The following SGCZ variants were observed in gnomAD, a reference collection of about 807,000 sequenced individuals.
SGCZ encodes the protein zeta-sarcoglycan.
A neutral mutation model predicts 41.3 loss-of-function variants in SGCZ; 40 were observed. The observed-to-expected ratio is 0.97, with a 90% CI of 0.75 to 1.26. SGCZ has a LOEUF of 1.26. SGCZ is among the 50% of genes most tolerant of loss of function. The pLI is 0.00. For missense variants in SGCZ, 552 were observed against 369.8 expected, an observed-to-expected ratio of 1.49 and a Z score of -4.04; for synonymous variants, 206 against 137.5, an observed-to-expected ratio of 1.50 and a Z score of -3.49.
At chr8:15,217,645 TC>T (rs1231575409) in intron 1 of SGCZ, among the ~76,000 whole-genome samples, 1 of 152,154 alleles carries the variant, frequency 6.6e-6, no homozygotes, top group Non-Finnish European at 1.5e-5. Flanking sequence ...TTCTTTGTTT[TC>T]CTGACTTGCA....
intron 1 of SGCZ, among the ~76,000 whole-genome samples, chr8:14,829,567 G>A (rs115961748): frequency 0.034 from 5,178 of 152,114 alleles, 318 homozygotes; most frequent in African/African-American, 0.12. Flanking sequence ...AAGAAATTAA[G>A]GTTGTTAATG....
intron 4 of SGCZ, among the ~76,000 whole-genome samples, chr8:14,166,556 CA>C (rs1804217043): frequency 6.6e-6 from 1 of 152,068 alleles, no homozygotes; most frequent in Non-Finnish European, 1.5e-5. Flanking sequence ...CATAAAACCT[CA>C]ATATTTACAG....
chr8:14,089,540 A>T lies in SGCZ; in HGVS notation c.*903T>A, dbSNP rs6996415. Reference sequence around the variant, plus strand: ...AGTGAGTGGAGCAAACAAAAATTATACTATTAAAACCTAGGTGTAAAGGAT... The same window carrying T: ...AGTGAGTGGAGCAAACAAAAATTATTCTATTAAAACCTAGGTGTAAAGGAT... On this transcript the variant is annotated 3_prime_UTR_variant, in exon 8 of 8. Coordinates refer to ENST00000382080, the MANE Select transcript of SGCZ (RefSeq NM_139167.4). Among the ~76,000 whole-genome samples, 1 of 151,986 alleles carries T rather than the reference A, an allele frequency of 6.6e-6. No homozygotes were observed. Among genetic ancestry groups the T allele is most frequent in the Admixed American group, 6.6e-5 (1 of 15,220 alleles).
At chr8:14,175,454 A>G (rs980326342) in intron 4 of SGCZ, among the ~76,000 whole-genome samples, 1 of 152,142 alleles carries the variant, frequency 6.6e-6, no homozygotes, top group African/African-American at 2.4e-5. Flanking sequence ...TAAAATGCCC[A>G]TAAGTAATGG....
At chr8:14,331,625 A>G (rs1802328510) in intron 2 of SGCZ, among the ~76,000 whole-genome samples, 1 of 152,076 alleles carries the variant, frequency 6.6e-6, no homozygotes, top group Admixed American at 6.6e-5. Flanking sequence ...AAACATTTTT[A>G]TAGATTGCTG....
chr8:14,269,018 G>C (rs1346941868), intron 3 of SGCZ, among the ~76,000 whole-genome samples: 2 of 151,682 alleles, frequency 1.3e-5, no homozygotes, highest in East Asian at 3.9e-4. Flanking sequence ...AAACAAAAAA[G>C]AATATATAAA....
intron 1 of SGCZ, among the ~76,000 whole-genome samples, chr8:14,866,478 CTCT>C (rs1803935566): frequency 6.6e-6 from 1 of 152,010 alleles, no homozygotes; most frequent in African/African-American, 2.4e-5. Flanking sequence ...TTATATGGTG[CTCT>C]TCTTTACAAA....
chr8:14,290,890 C>A (rs1453379650), intron 3 of SGCZ, among the ~76,000 whole-genome samples: 4 of 152,098 alleles, frequency 2.6e-5, no homozygotes, highest in African/African-American at 9.7e-5. Flanking sequence ...ATCTGCACTC[C>A]TACTTATATA....
At chr8:14,206,209 T>G (rs993075929) in intron 4 of SGCZ, among the ~76,000 whole-genome samples, 2 of 152,144 alleles carry the variant, frequency 1.3e-5, no homozygotes, top group Non-Finnish European at 2.9e-5. Flanking sequence ...CAACTTTTAC[T>G]CCTTTGCCAT....
intron 1 of SGCZ, among the ~76,000 whole-genome samples, chr8:14,929,835 T>A (rs150416648): frequency 6.6e-6 from 1 of 152,164 alleles, no homozygotes; most frequent in East Asian, 1.9e-4. Flanking sequence ...TCCTCCTCAT[T>A]ATTTCAACAG....
At chr8:15,016,446 A>G (rs1463632849) in intron 1 of SGCZ, among the ~76,000 whole-genome samples, 1 of 152,202 alleles carries the variant, frequency 6.6e-6, no homozygotes, top group Admixed American at 6.5e-5. Context: ...TTTGTAGCAT[A>G]ATCTCTTGGC....
At chr8:14,149,232 C>A (rs1173153073) in intron 5 of SGCZ, among the ~76,000 whole-genome samples, 1 of 151,984 alleles carries the variant, frequency 6.6e-6, no homozygotes, top group Non-Finnish European at 1.5e-5. Context: ...TGAAAACGAA[C>A]AAGTCAAATT....
chr8:15,012,270 C>T lies in SGCZ; in HGVS notation c.39+225315G>A, dbSNP rs1050154772. On this transcript the variant is annotated intron_variant, in intron 1 of 7. Coordinates refer to ENST00000382080, the MANE Select transcript of SGCZ (RefSeq NM_139167.4). ...TTAAGACCAAGAATTTGAGATCAGA[C>T]TGGGCAACATAGCAAACCTCCACCT... is the stretch of plus-strand genomic sequence containing the variant. Among the ~76,000 whole-genome samples, 12 of 151,692 alleles carry T rather than the reference C, an allele frequency of 7.9e-5. No individual in the cohort carries two copies. The South Asian group carries it at 2.1e-3, about 26-fold the overall frequency.
rs141525643 is a variant in SGCZ at position 14,227,246 on chromosome 8, G to T, written c.424+10346C>A. Among the ~76,000 whole-genome samples, 353 of 152,156 alleles carry T rather than the reference G, an allele frequency of 2.3e-3. 3 individuals carry two copies. The highest frequency in any genetic ancestry group is 0.012 in the South Asian group (56 of 4,818). On this transcript the variant is annotated intron_variant, in intron 4 of 7. Transcript: ENST00000382080. ...AAAAATGAAGTATGGCAAAAAAAATGTAAGAATGCAAACAGTTTTCTTTAT... is the reference window on the plus strand; with the variant it reads ...AAAAATGAAGTATGGCAAAAAAAATTTAAGAATGCAAACAGTTTTCTTTAT...
At chr8:15,073,168 A>G (rs1805416493) in intron 1 of SGCZ, among the ~76,000 whole-genome samples, 1 of 152,120 alleles carries the variant, frequency 6.6e-6, no homozygotes, top group Admixed American at 6.5e-5. Flanking sequence ...GGGAGCTGCA[A>G]TCATGCTGTG....
At chr8:14,276,754 T>C (rs1438365471) in intron 3 of SGCZ, among the ~76,000 whole-genome samples, 2 of 152,176 alleles carry the variant, frequency 1.3e-5, no homozygotes, top group Non-Finnish European at 2.9e-5. Context: ...CTGCCTTCTG[T>C]TTAACTGGGG....
chr8:14,251,327 G>C (rs1799277609), intron 3 of SGCZ, among the ~76,000 whole-genome samples: 1 of 152,118 alleles, frequency 6.6e-6, no homozygotes, highest in African/African-American at 2.4e-5. Flanking sequence ...AATCAAAATG[G>C]CTTCATTCAG....
chr8:15,196,634 ATTT>A (rs1800741327), intron 1 of SGCZ, among the ~76,000 whole-genome samples: 2 of 152,136 alleles, frequency 1.3e-5, no homozygotes, highest in Middle Eastern at 3.4e-3. Context: ...TTATTTATTT[ATTT>A]ATTTATTATT....
chr8:15,057,173 C>T lies in SGCZ; in HGVS notation c.39+180412G>A, dbSNP rs553395551. Among the ~76,000 whole-genome samples the T allele has an allele frequency of 1.2e-4, 19 of 152,310 alleles. 1 individual carries two copies. In the South Asian group the frequency reaches 2.3e-3, roughly 18 times the overall value. The stretch of plus-strand genomic sequence containing the variant: ...TCAGGGGAAGAACATATGGGAAGTA[C>T]AGATGTTCAAAGGGTGGCTTCACCC... On this transcript the variant is annotated intron_variant, in intron 1 of 7. Transcript: ENST00000382080.
Sources: gnomAD v4.1 joint callset for allele counts (sites outside exome capture counted in the v4.1 genomes callset) on GRCh38, gnomAD v4.1.1 for gene constraint, MANE v1.5 for transcripts, NCBI Gene and HGNC (gene_info 2026-07-23, HGNC 2026-07-21) for gene names.